Variants in SRGAP1 observed in about 807,000 individuals in gnomAD.
The protein encoded by SRGAP1 is SLIT-ROBO Rho GTPase activating protein 1, also known as SLIT-ROBO Rho GTPase-activating protein 1.
A neutral mutation model predicts 121.9 loss-of-function variants in SRGAP1; 43 were observed. The ratio of observed to expected loss-of-function variants is 0.35; its 90% CI spans 0.28 to 0.46. SRGAP1 has a LOEUF of 0.46. SRGAP1 is among the 20% of genes least tolerant of loss of function. The probability of loss-of-function intolerance (pLI) is 1.00; values close to 1 mark genes in which losing one functional copy is unlikely to be tolerated. For synonymous variants in SRGAP1, 447 were observed against 485.4 expected, an observed-to-expected ratio of 0.92 and a Z score of 1.04; for missense variants, 1,102 against 1,350.9, an observed-to-expected ratio of 0.82 and a Z score of 2.89.
chr12:64,078,707 A>G (rs1040024158), intron 8 of SRGAP1, among the ~76,000 whole-genome samples: 2 of 152,216 alleles, frequency 1.3e-5, no homozygotes, highest in African/African-American at 4.8e-5. Context: ...ACTGAAATAT[A>G]AAGTGATAAC....
chr12:63,978,999 A>T (rs1380840679), intron 1 of SRGAP1, among the ~76,000 whole-genome samples: 5 of 136,174 alleles, frequency 3.7e-5, no homozygotes, highest in Non-Finnish European at 6.3e-5. Context: ...TGCCATTTGT[A>T]TATCATCTTG....
At chr12:63,910,925 G>T (rs932285893) in intron 1 of SRGAP1, among the ~76,000 whole-genome samples, 2 of 152,076 alleles carry the variant, frequency 1.3e-5, no homozygotes, top group African/African-American at 4.8e-5. Flanking sequence ...TAGAGATGTG[G>T]ACATGTTTTG....
Position 63,983,965 on chromosome 12 carries a change from T to C in SRGAP1, c.86T>C (p.Val29Ala), listed in dbSNP as rs765130450. 6.5e-7 allele frequency: 1 copy of C among 1,531,392 alleles called. No individual in the cohort carries two copies. Among genetic ancestry groups the C allele is most frequent in the Admixed American group, 1.8e-5 (1 of 54,562 alleles). The allele number at this position is 1,531,392 out of a possible 1,614,324, so 94.9% of individuals were successfully genotyped here. A position where few individuals can be genotyped will look rare whatever the true frequency, so the allele number is the denominator to read the frequency against. The part of the protein sequence containing the change: ...SQVKEIRAQL[V>A]EQQKCLEQQT... ...TCCTTAGAAATTCGAGCTCAACTGG[T>C]AGAACAACAAAAATGCCTGGAGCAG... The change falls in exon 2 of 22, where the codon GTA becomes GCA. Residue 29 changes from valine to alanine, a missense_variant. Val to Ala is a moderately conservative substitution (Grantham distance 64). Around this residue, in one of 3 missense-constraint regions of SRGAP1, gnomAD observed 747 missense variants for 929.4 expected, o/e 0.80. Coordinates refer to ENST00000355086, the MANE Select transcript of SRGAP1 (RefSeq NM_020762.4).
intron 1 of SRGAP1, among the ~76,000 whole-genome samples, chr12:63,883,752 G>A (rs1336708151): frequency 1.3e-5 from 2 of 150,498 alleles, no homozygotes; most frequent in African/African-American, 2.4e-5. Context: ...TCCACCTCCC[G>A]GGTTCACGCC....
chr12:64,109,889 T>C (rs991318488), intron 16 of SRGAP1, among the ~76,000 whole-genome samples: 1 of 152,178 alleles, frequency 6.6e-6, no homozygotes, highest in Admixed American at 6.5e-5. Context: ...TGACTAGTCC[T>C]GAAATCATAC....
intron 1 of SRGAP1, among the ~76,000 whole-genome samples, chr12:63,944,597 T>C (rs1322947685): frequency 2.0e-5 from 3 of 152,190 alleles, no homozygotes; most frequent in African/African-American, 7.2e-5. Context: ...CCTTTGTTTC[T>C]ACCCCTCCTG....
intron 6 of SRGAP1, among the ~76,000 whole-genome samples, chr12:64,053,030 TTATAAA>T (rs749349422): frequency 2.2e-4 from 33 of 152,312 alleles, no homozygotes; most frequent in Admixed American, 3.9e-4. Context: ...TAAATTATAG[TTATAAA>T]TATAAATGGC....
At chr12:63,911,898 T>C (rs2030518573) in intron 1 of SRGAP1, among the ~76,000 whole-genome samples, 1 of 152,202 alleles carries the variant, frequency 6.6e-6, no homozygotes, top group Non-Finnish European at 1.5e-5. Flanking sequence ...TCTCCATTGA[T>C]TTTCCTTAGT....
At chr12:64,101,308 G>GGGGTGTGTGTGT (rs1555174257) in intron 15 of SRGAP1, among the ~76,000 whole-genome samples, 2 of 138,010 alleles carry the variant, frequency 1.4e-5, no homozygotes, top group African/African-American at 2.7e-5. Flanking sequence ...TGGGGAAAGG[G>GGGGTGTGTGTGT]GTGTGTGTGT....
intron 3 of SRGAP1, among the ~76,000 whole-genome samples, chr12:63,994,122 G>T (rs774803758): frequency 6.6e-6 from 1 of 152,158 alleles, no homozygotes; most frequent in Non-Finnish European, 1.5e-5. Flanking sequence ...ACTCCAGATA[G>T]TCGTTTAGAG....
chr12:64,043,622 C>T (rs1433251763), intron 6 of SRGAP1, 47 bp downstream of exon 6: 2 of 1,453,310 alleles, frequency 1.4e-6, no homozygotes, highest in Admixed American at 4.1e-5. Flanking sequence ...ATGAAATTAA[C>T]AATAACCATA....
intron 1 of SRGAP1, among the ~76,000 whole-genome samples, chr12:63,977,113 G>T (rs1167157121): frequency 1.3e-5 from 2 of 151,852 alleles, no homozygotes; most frequent in Non-Finnish European, 2.9e-5. Context: ...TGCAAAATTT[G>T]CACCTGGTGT....
Position 64,004,442 on chromosome 12 carries a change from G to A in SRGAP1, c.427-12508G>A, listed in dbSNP as rs186705420. Among the ~76,000 whole-genome samples, 907 of 152,240 alleles carry A rather than the reference G, an allele frequency of 6.0e-3. 41 individuals are homozygous for A. The highest frequency in any genetic ancestry group is 0.051 in the Admixed American group (779 of 15,282). ...GCTGGAGTGCAGTGGCGTGGTCTCA[G>A]CTCACTGCAACTTCCACCTTCCGAG... On this transcript the variant is annotated intron_variant, in intron 3 of 21. Transcript: ENST00000355086.
intron 1 of SRGAP1, among the ~76,000 whole-genome samples, chr12:63,872,257 T>TA (rs1899880106): frequency 6.6e-6 from 1 of 152,240 alleles, no homozygotes; most frequent in Admixed American, 6.5e-5. Context: ...AACTACAACG[T>TA]ACGTGAGAGG....
In SRGAP1 at chr12:63,994,659, G is replaced by T. The variant is rs80338620; in HGVS notation, c.426+4587G>T. Among the ~76,000 whole-genome samples the T allele has an allele frequency of 8.4e-3, 1,284 of 152,274 alleles. 8 individuals carry two copies. The highest frequency in any genetic ancestry group is 0.013 in the Non-Finnish European group (906 of 68,012). On this transcript the variant is annotated intron_variant, in intron 3 of 21. Transcript: ENST00000355086. ...GATGTAGACAATGTAAACACAGATAGGAGAGTACTCTGCTTTTAACCTCTT... is the reference window on the plus strand; with the variant it reads ...GATGTAGACAATGTAAACACAGATATGAGAGTACTCTGCTTTTAACCTCTT...
chr12:64,019,129 TGG>T (rs879513046), intron 4 of SRGAP1, among the ~76,000 whole-genome samples: 30 of 152,296 alleles, frequency 2.0e-4, no homozygotes, highest in Non-Finnish European at 3.7e-4. Context: ...AAGACAACAG[TGG>T]CAAAGATGAA....
intron 21 of SRGAP1, among the ~76,000 whole-genome samples, chr12:64,141,272 TAAAAA>T (rs977006357): frequency 2.1e-5 from 1 of 48,216 alleles, no homozygotes; most frequent in African/African-American, 1.0e-4. Context: ...TAAAGTATAA[TAAAAA>T]AAAAAAAAAA....
At chr12:63,955,539 G>A (rs1181554731) in intron 1 of SRGAP1, among the ~76,000 whole-genome samples, 1 of 152,018 alleles carries the variant, frequency 6.6e-6, no homozygotes, top group Non-Finnish European at 1.5e-5. Context: ...ATACCCACTT[G>A]ACTGAATAAG....
Position 63,909,179 on chromosome 12 carries a change from C to T in SRGAP1, c.67+64296C>T, listed in dbSNP as rs115372304. 7.0e-3 allele frequency among the ~76,000 whole-genome samples: 1,064 copies of T among 152,300 alleles called. 6 individuals are homozygous for T. Among genetic ancestry groups the T allele is most frequent in the African/African-American group, 0.024 (993 of 41,544 alleles). On this transcript the variant is annotated intron_variant, in intron 1 of 21. Coordinates refer to ENST00000355086, the MANE Select transcript of SRGAP1 (RefSeq NM_020762.4). ...CTGGGATTACAGGCATGAGCCACCA[C>T]GCCGGGCCTACAATAAGAATCTTAA...
Sources: gnomAD v4.1 joint callset for allele counts (sites outside exome capture counted in the v4.1 genomes callset) on GRCh38, gnomAD v4.1.1 for gene constraint, gnomAD v4.1.1 regional missense constraint, MANE v1.5 for transcripts, NCBI Gene and HGNC (gene_info 2026-07-23, HGNC 2026-07-21) for gene names.